Variants in TPPP observed in about 807,000 individuals in gnomAD.
TPPP encodes the protein tubulin polymerization promoting protein.
Under a neutral mutation model 15.5 loss-of-function variants are expected in TPPP, and 6 were observed. The observed-to-expected ratio is 0.39, with a 90% CI of 0.21 to 0.77. The LOEUF (loss-of-function observed/expected upper bound fraction) is 0.77. Ranked by LOEUF, TPPP falls within the 30% of genes least tolerant of loss-of-function variation. TPPP has a pLI of 0.42. For synonymous variants in TPPP, 146 were observed against 133.9 expected (o/e 1.09, Z -0.63); for missense variants, 269 against 307.2 (o/e 0.88, Z 0.93).
chr5:692,817 C>G (rs1213852622), intron 1 of TPPP: 2 of 951,062 alleles, frequency 2.1e-6, no homozygotes, highest in Non-Finnish European at 2.5e-6. Context: ...AAACCTGCTG[C>G]GGGCAGTGAC....
At chr5:698,286 T>G (rs35823022), upstream of TPPP, among the ~76,000 whole-genome samples, 28 of 152,134 alleles carry the variant, frequency 1.8e-4, 1 homozygote, top group Admixed American at 4.6e-4. Context: ...CCACTCTTAT[T>G]CAACACAGTA....
At chr5:679,205 C>T (rs529252264) in intron 1 of TPPP, among the ~76,000 whole-genome samples, 2 of 152,056 alleles carry the variant, frequency 1.3e-5, no homozygotes, top group African/African-American at 2.4e-5. Flanking sequence ...TGAGTGTGGC[C>T]GCTGCTGACC....
At chr5:697,829 A>T (rs1257677610), upstream of TPPP, among the ~76,000 whole-genome samples, 2 of 148,110 alleles carry the variant, frequency 1.4e-5, no homozygotes, top group Non-Finnish European at 3.0e-5. Flanking sequence ...TCTCTAACTC[A>T]TTCTATGAGG....
intron 1 of TPPP, among the ~76,000 whole-genome samples, chr5:684,662 A>T (rs1740719728): frequency 6.6e-6 from 1 of 152,162 alleles, no homozygotes; most frequent in East Asian, 1.9e-4. Flanking sequence ...AAGGTGGCTC[A>T]GGTCCTGCCA....
Position 661,459 on chromosome 5 carries a change from C to T in TPPP, c.*3643G>A, listed in dbSNP as rs1372171448. ...ACCTGTCCCTGTGTCCTGGTGTCAC[C>T]CCTGACAGAACCTGTCCCTCTCTCC... On this transcript the variant is annotated 3_prime_UTR_variant, in exon 4 of 4. Coordinates refer to ENST00000360578, the MANE Select transcript of TPPP (RefSeq NM_007030.3). 2.6e-5 allele frequency: 4 copies of T among 152,360 alleles called. No homozygotes were observed. Among genetic ancestry groups the T allele is most frequent in the Admixed American group, 6.5e-5 (1 of 15,272 alleles). The allele number at this position is 152,360 out of a possible 1,614,324, so 9.4% of individuals were successfully genotyped here. A position where few individuals can be genotyped will look rare whatever the true frequency, so the allele number is the denominator to read the frequency against.
chr5:665,964 G>A lies in TPPP; in HGVS notation c.465+6C>T, dbSNP rs1279880985. ...AGGCCCCGCCTTCCATCCCCGCCCT[G>A]CTCACCGTCACCCCTGAGATGATGG... On this transcript the variant is annotated splice_donor_region_variant and intron_variant, in intron 3 of 3. Coordinates refer to ENST00000360578, the MANE Select transcript of TPPP (RefSeq NM_007030.3). The A allele has an allele frequency of 9.0e-7, 1 of 1,109,718 alleles. No individual in the cohort carries two copies. Among genetic ancestry groups the A allele is most frequent in the South Asian group, 1.5e-5 (1 of 67,920 alleles). The allele number at this position is 1,109,718 out of a possible 1,614,324, so 68.7% of individuals were successfully genotyped here.
At chr5:670,172 C>T (rs10035635) in intron 2 of TPPP, among the ~76,000 whole-genome samples, 7,029 of 152,248 alleles carry the variant, frequency 0.046, 537 homozygotes, top group African/African-American at 0.16. Flanking sequence ...GACAGCCCTC[C>T]GAGGACTGAG....
chr5:693,389 ACCGCCCAGCC>A (rs1012712608), upstream of TPPP: 1 of 115,032 alleles, frequency 8.7e-6, no homozygotes, highest in African/African-American at 3.3e-5. Context: ...CCCGCCCAGC[ACCGCCCAGCC>A]CCGCCCAGCC....
intron 2 of TPPP, among the ~76,000 whole-genome samples, chr5:676,918 G>A (rs557067930): frequency 4.0e-4 from 59 of 146,606 alleles, no homozygotes; most frequent in Middle Eastern, 3.7e-3. Context: ...CATACACGAC[G>A]CAGAAACGCA....
At chr5:699,887 T>A in the TPPP span, among the ~76,000 whole-genome samples, 101,918 of 147,066 alleles carry the variant, frequency 0.69, 31,854 homozygotes, top group African/African-American at 0.73. Context: ...AATTAAAATC[T>A]GAATGCAATA....
intron 1 of TPPP, among the ~76,000 whole-genome samples, chr5:688,881 C>T (rs1204515650): frequency 4.9e-5 from 6 of 122,214 alleles, no homozygotes; most frequent in Admixed American, 1.6e-4. Context: ...AGGTCACCTG[C>T]GAGATGCCAT....
intron 2 of TPPP, among the ~76,000 whole-genome samples, chr5:672,667 C>T (rs1028802922): frequency 6.6e-6 from 1 of 152,236 alleles, no homozygotes; most frequent in African/African-American, 2.4e-5. Context: ...ATGGGCCCCT[C>T]CCCAGGCTCG....
At chr5:671,565 G>C (rs1021239259) in intron 2 of TPPP, among the ~76,000 whole-genome samples, 1 of 152,246 alleles carries the variant, frequency 6.6e-6, no homozygotes, top group Non-Finnish European at 1.5e-5. Flanking sequence ...GCCAAGCGCA[G>C]GAGACGGGTG....
intron 1 of TPPP, chr5:692,891 A>C (rs1740929882): frequency 2.1e-6 from 2 of 945,778 alleles, no homozygotes; most frequent in Non-Finnish European, 2.5e-6. Context: ...TAGGCCTGGG[A>C]ATAGGGAAAC....
intron 2 of TPPP, among the ~76,000 whole-genome samples, chr5:672,713 C>T (rs1740265892): frequency 6.6e-6 from 1 of 152,206 alleles, no homozygotes; most frequent in Non-Finnish European, 1.5e-5. Context: ...CATGGCTCTA[C>T]CGGGCCCCAC....
intron 2 of TPPP, among the ~76,000 whole-genome samples, chr5:673,550 C>T (rs982033387): frequency 3.3e-5 from 5 of 152,168 alleles, no homozygotes; most frequent in African/African-American, 1.2e-4. Flanking sequence ...GGACAATCTC[C>T]CACACGGCGC....
At chr5:697,864 C>G (rs1373953688), upstream of TPPP, among the ~76,000 whole-genome samples, 1 of 145,248 alleles carries the variant, frequency 6.9e-6, no homozygotes, top group Non-Finnish European at 1.5e-5. Flanking sequence ...GGACCAAAAC[C>G]AGACAAAGGC....
chr5:671,585 G>A lies in TPPP; in HGVS notation c.312-5462C>T, dbSNP rs531239153. ...GCGCAGGAGACGGGTGCCTGTCGCC[G>A]CACAGTGCTCTGGGGATTGCTGGTG... On this transcript the variant is annotated intron_variant, in intron 2 of 3. Coordinates refer to ENST00000360578, the MANE Select transcript of TPPP (RefSeq NM_007030.3). Among the ~76,000 whole-genome samples, 7 of 152,336 alleles carry A rather than the reference G, an allele frequency of 4.6e-5. No homozygotes were observed. The East Asian group carries it at 9.6e-4, about 21-fold the overall frequency.
chr5:665,892 C>T, intron 3 of TPPP, 78 bp downstream of exon 3: 1 of 854,178 alleles, frequency 1.2e-6, no homozygotes. Context: ...CTGACCACCC[C>T]TCCCCCAGGC....
Sources: gnomAD v4.1 joint callset for allele counts (sites outside exome capture counted in the v4.1 genomes callset) on GRCh38, gnomAD v4.1.1 for gene constraint, MANE v1.5 for transcripts, NCBI Gene and HGNC (gene_info 2026-07-23, HGNC 2026-07-21) for gene names.